The following RANBP2 variants were observed in gnomAD, a reference collection of about 807,000 sequenced individuals.
RANBP2 encodes E3 SUMO-protein ligase RanBP2.
A neutral mutation model predicts 303.6 loss-of-function variants in RANBP2; 57 were observed. The ratio of observed to expected loss-of-function variants is 0.19; its 90% CI spans 0.15 to 0.23. RANBP2 has a LOEUF of 0.23. Among genes scored for constraint, RANBP2 ranks in the 10% least tolerant of loss-of-function variants. The pLI is 1.00. For missense variants in RANBP2, 3,138 were observed against 3,780.8 expected, an observed-to-expected ratio of 0.83 and a Z score of 4.46; for synonymous variants, 1,167 against 1,301.5, an observed-to-expected ratio of 0.90 and a Z score of 2.23.
chr2:109,761,327 C>A, the RANBP2 span, among the ~76,000 whole-genome samples: 1 of 151,186 alleles, frequency 6.6e-6, no homozygotes, highest in Non-Finnish European at 1.5e-5. Flanking sequence ...ACGAGTGTTT[C>A]TCCGTGCCGG....
chr2:108,746,337 C>G (rs1273660999), intron 7 of RANBP2, among the ~76,000 whole-genome samples: 10 of 151,396 alleles, frequency 6.6e-5, no homozygotes, highest in Non-Finnish European at 1.0e-4. Flanking sequence ...CTCAGCCTTC[C>G]ATGTAGCTGG....
the RANBP2 span, among the ~76,000 whole-genome samples, chr2:109,428,433 A>G: frequency 1.3e-5 from 2 of 152,362 alleles, no homozygotes; most frequent in African/African-American, 2.4e-5. Flanking sequence ...AAGCAGACAC[A>G]TGCCATGCCC....
chr2:109,285,346 C>A, the RANBP2 span, among the ~76,000 whole-genome samples: 2 of 152,344 alleles, frequency 1.3e-5, no homozygotes, highest in East Asian at 1.9e-4. Context: ...GTTAAGCCAG[C>A]TTGTGAGTCA....
the RANBP2 span, chr2:109,553,294 CA>C: frequency 6.6e-7 from 1 of 1,522,456 alleles, no homozygotes; most frequent in East Asian, 2.3e-5. Context: ...CCTGTAATCC[CA>C]ACACTTTGGG....
the RANBP2 span, among the ~76,000 whole-genome samples, chr2:109,047,710 T>C: frequency 6.6e-6 from 1 of 152,220 alleles, no homozygotes; most frequent in Non-Finnish European, 1.5e-5. Context: ...CTTGGGAGCC[T>C]GAGGCACAAG....
chr2:108,850,339 T>C, the RANBP2 span, among the ~76,000 whole-genome samples: 507 of 152,310 alleles, frequency 3.3e-3, no homozygotes, highest in Non-Finnish European at 5.7e-3. Context: ...ACACATAATA[T>C]TAACTGCTTA....
chr2:109,597,684 C>T, the RANBP2 span, among the ~76,000 whole-genome samples: 3 of 152,188 alleles, frequency 2.0e-5, no homozygotes, highest in Non-Finnish European at 4.4e-5. Flanking sequence ...AAGGAAAAAT[C>T]CCATACAGTA....
At chr2:109,119,688 ATAT>A in the RANBP2 span, among the ~76,000 whole-genome samples, 1 of 152,248 alleles carries the variant, frequency 6.6e-6, no homozygotes, top group African/African-American at 2.4e-5. Flanking sequence ...AAAATAAAGT[ATAT>A]TATGTCTCCA....
At chr2:109,457,316 G>A in the RANBP2 span, among the ~76,000 whole-genome samples, 1 of 152,084 alleles carries the variant, frequency 6.6e-6, no homozygotes, top group African/African-American at 2.4e-5. Flanking sequence ...ATCAAAGGAG[G>A]GGTTAATTTT....
the RANBP2 span, among the ~76,000 whole-genome samples, chr2:109,146,881 T>TCCC: frequency 2.6e-4 from 2 of 7,810 alleles, no homozygotes; most frequent in Non-Finnish European, 2.1e-4. Context: ...TCTTCTTTTT[T>TCCC]CCCTCCCCCC....
chr2:108,838,362 T>C, the RANBP2 span, among the ~76,000 whole-genome samples: 4 of 152,172 alleles, frequency 2.6e-5, no homozygotes, highest in African/African-American at 9.7e-5. Flanking sequence ...CACAATACAC[T>C]CATAATCATT....
At chr2:109,288,278 G>A in the RANBP2 span, among the ~76,000 whole-genome samples, 1 of 152,196 alleles carries the variant, frequency 6.6e-6, no homozygotes, top group African/African-American at 2.4e-5. Context: ...AACTGTAATT[G>A]CTTTTGCATA....
chr2:109,266,904 A>G, the RANBP2 span, among the ~76,000 whole-genome samples: 7 of 152,244 alleles, frequency 4.6e-5, no homozygotes, highest in Admixed American at 4.6e-4. Flanking sequence ...AAGCTGATGT[A>G]TGTCCCTGAG....
At chr2:109,272,212 CA>C in the RANBP2 span, among the ~76,000 whole-genome samples, 1 of 152,240 alleles carries the variant, frequency 6.6e-6, no homozygotes. Flanking sequence ...GACTGTCTGA[CA>C]GCCTTTTTCC....
chr2:109,030,796 C>A, the RANBP2 span, among the ~76,000 whole-genome samples: 1 of 152,172 alleles, frequency 6.6e-6, no homozygotes, highest in Admixed American at 6.5e-5. Context: ...CTATGTTGCC[C>A]AGGCTGGTCT....
the RANBP2 span, among the ~76,000 whole-genome samples, chr2:109,686,879 A>T: frequency 3.3e-5 from 5 of 152,358 alleles, no homozygotes; most frequent in African/African-American, 1.2e-4. Context: ...CTGGAATTAC[A>T]GGCATGAGCC....
the RANBP2 span, among the ~76,000 whole-genome samples, chr2:109,318,489 A>G: frequency 6.6e-6 from 1 of 152,294 alleles, no homozygotes; most frequent in East Asian, 1.9e-4. Context: ...GAGTGACTGA[A>G]TCATAGCACA....
chr2:108,977,147 T>G, the RANBP2 span, among the ~76,000 whole-genome samples: 1 of 152,160 alleles, frequency 6.6e-6, no homozygotes, highest in Non-Finnish European at 1.5e-5. Context: ...GCCTGGGTTT[T>G]CCTAGATGGC....
the RANBP2 span, among the ~76,000 whole-genome samples, chr2:109,170,294 CTTCTCT>C: frequency 7.7e-6 from 1 of 129,038 alleles, no homozygotes; most frequent in East Asian, 2.6e-4. Flanking sequence ...CTTCTCTTCT[CTTCTCT>C]TCTCTTCTCT....
Sources: allele counts gnomAD v4.1 joint callset (sites outside exome capture counted in the v4.1 genomes callset), GRCh38; gene constraint gnomAD v4.1.1; transcripts MANE v1.5; gene names NCBI Gene and HGNC (gene_info 2026-07-23, HGNC 2026-07-21).